The following DDX10 variants were observed in gnomAD, a reference collection of about 807,000 sequenced individuals.
DDX10 encodes the protein probable ATP-dependent RNA helicase DDX10.
A neutral mutation model predicts 104.3 loss-of-function variants in DDX10; 74 were observed. The observed-to-expected ratio is 0.71, with a 90% confidence interval of 0.59 to 0.86. DDX10 has a LOEUF of 0.86. DDX10 is among the 40% of genes least tolerant of loss of function. The pLI is 0.00. For missense variants in DDX10, 952 were observed against 1,040.0 expected (o/e 0.92, Z 1.16); for synonymous variants, 351 against 353.4 (o/e 0.99, Z 0.08).
chr11:108,740,439 A>G (rs1005457428), intron 13 of DDX10, among the ~76,000 whole-genome samples: 1 of 152,170 alleles, frequency 6.6e-6, no homozygotes, highest in Non-Finnish European at 1.5e-5. Context: ...ATAGTGCCAC[A>G]GTGAACATAC....
intron 17 of DDX10, among the ~76,000 whole-genome samples, chr11:108,927,172 A>C (rs148992259): frequency 1.3e-5 from 2 of 152,348 alleles, no homozygotes; most frequent in Non-Finnish European, 2.9e-5. Context: ...AGAAAAAGCA[A>C]GAGATTGAAA....
At chr11:108,747,239 A>G (rs577818807) in intron 13 of DDX10, among the ~76,000 whole-genome samples, 3 of 152,288 alleles carry the variant, frequency 2.0e-5, no homozygotes, top group East Asian at 3.9e-4. Flanking sequence ...TATATATACA[A>G]TAATTTAAGG....
intron 6 of DDX10, among the ~76,000 whole-genome samples, chr11:108,683,459 G>C (rs1201651663): frequency 6.6e-6 from 1 of 152,192 alleles, no homozygotes; most frequent in Non-Finnish European, 1.5e-5. Context: ...TGTTAACAGA[G>C]GGCTTGGCTC....
chr11:108,880,667 A>C (rs1269861152), intron 16 of DDX10, among the ~76,000 whole-genome samples: 1 of 152,220 alleles, frequency 6.6e-6, no homozygotes. Flanking sequence ...AAAGGAAGTA[A>C]CATCGTATAC....
At chr11:108,700,525 AC>A (rs2094266247) in intron 9 of DDX10, among the ~76,000 whole-genome samples, 1 of 152,234 alleles carries the variant, frequency 6.6e-6, no homozygotes, top group South Asian at 2.1e-4. Flanking sequence ...AGAGCCAGTT[AC>A]TGGGAGAAGA....
chr11:108,854,805 TTAATGA>T (rs773603136), intron 16 of DDX10, among the ~76,000 whole-genome samples: 20 of 152,172 alleles, frequency 1.3e-4, no homozygotes, highest in South Asian at 2.1e-4. Context: ...AAGAGAAAAC[TTAATGA>T]TAATGTGAAT....
intron 13 of DDX10, among the ~76,000 whole-genome samples, chr11:108,732,668 A>G (rs1454983304): frequency 6.6e-6 from 1 of 152,106 alleles, no homozygotes; most frequent in Non-Finnish European, 1.5e-5. Flanking sequence ...AAGCAATAAG[A>G]CATGTGCAGG....
chr11:108,842,072 A>G (rs1339188794), intron 15 of DDX10, among the ~76,000 whole-genome samples: 1 of 152,208 alleles, frequency 6.6e-6, no homozygotes, highest in Non-Finnish European at 1.5e-5. Context: ...AATACATTAA[A>G]TTTATTATAT....
intron 9 of DDX10, among the ~76,000 whole-genome samples, chr11:108,705,332 C>T (rs937066469): frequency 1.1e-4 from 16 of 152,170 alleles, no homozygotes; most frequent in Non-Finnish European, 2.4e-4. Context: ...TCCAATACTG[C>T]CTAGGGGGAC....
At chr11:108,853,468 A>G (rs1450004521) in intron 16 of DDX10, among the ~76,000 whole-genome samples, 1 of 152,046 alleles carries the variant, frequency 6.6e-6, no homozygotes, top group Non-Finnish European at 1.5e-5. Flanking sequence ...CTTTGTGTTT[A>G]TTCATGCATA....
At chr11:108,672,691 A>C (rs1217311668) in intron 1 of DDX10, among the ~76,000 whole-genome samples, 2 of 152,210 alleles carry the variant, frequency 1.3e-5, no homozygotes, top group Non-Finnish European at 2.9e-5. Flanking sequence ...CCTTTTGCGA[A>C]TCATGTATAA....
At chr11:108,719,742 C>T in intron 11 of DDX10, 55 bp from the exon 12 acceptor site, 1 of 1,141,118 alleles carries the variant, frequency 8.8e-7, no homozygotes, top group South Asian at 1.4e-5. Flanking sequence ...ATATTTTGGT[C>T]TAAACTCATT....
At chr11:108,925,948 C>T (rs895699236) in intron 17 of DDX10, among the ~76,000 whole-genome samples, 10 of 152,036 alleles carry the variant, frequency 6.6e-5, no homozygotes, top group African/African-American at 2.4e-4. Flanking sequence ...TGTAAAACTC[C>T]ATTTTGTCAG....
intron 17 of DDX10, among the ~76,000 whole-genome samples, chr11:108,928,462 G>C (rs1270748723): frequency 6.9e-6 from 1 of 145,922 alleles, no homozygotes; most frequent in African/African-American, 2.5e-5. Flanking sequence ...ACTGCTTGTA[G>C]TTTTGGAATA....
At chr11:108,826,324 C>A (rs1433786323) in intron 13 of DDX10, among the ~76,000 whole-genome samples, 1 of 152,062 alleles carries the variant, frequency 6.6e-6, no homozygotes, top group East Asian at 1.9e-4. Flanking sequence ...AAATGGCTGT[C>A]ATAGAGACAT....
intron 16 of DDX10, among the ~76,000 whole-genome samples, chr11:108,898,864 C>T (rs1308155569): frequency 6.6e-6 from 1 of 152,142 alleles, no homozygotes; most frequent in African/African-American, 2.4e-5. Context: ...AAATAGAGAA[C>T]TTCCCCTTTG....
intron 16 of DDX10, among the ~76,000 whole-genome samples, 197 bp downstream of exon 16, chr11:108,852,406 T>C (rs1442663752): frequency 6.6e-6 from 1 of 152,244 alleles, no homozygotes; most frequent in Non-Finnish European, 1.5e-5. Context: ...TTCTATTCAC[T>C]TTCTTGTATT....
intron 13 of DDX10, among the ~76,000 whole-genome samples, chr11:108,809,240 G>A (rs545898382): frequency 3.3e-5 from 5 of 152,264 alleles, no homozygotes; most frequent in Middle Eastern, 3.4e-3. Flanking sequence ...AAACCGTATC[G>A]CAGTGGATTG....
Position 108,776,061 on chromosome 11 carries a change from AT to A in DDX10, c.1965+52602del, listed in dbSNP as rs1296610140. ...TTTAGCTGTTCACTTGTATATGGAC[AT>A]TTGGGTTATTTCCATATCTGTTGTG... On this transcript the variant is annotated intron_variant, in intron 13 of 17. Coordinates refer to ENST00000322536, the MANE Select transcript of DDX10 (RefSeq NM_004398.4). Among the ~76,000 whole-genome samples the A allele has an allele frequency of 5.3e-5, 8 of 152,230 alleles. No homozygotes were observed. In the East Asian group the frequency reaches 1.5e-3, roughly 29 times the overall value.
Sources: gnomAD v4.1 joint callset for allele counts (sites outside exome capture counted in the v4.1 genomes callset) on GRCh38, gnomAD v4.1.1 for gene constraint, MANE v1.5 for transcripts, NCBI Gene and HGNC (gene_info 2026-07-23, HGNC 2026-07-21) for gene names.